Variants in KLHL13 observed in about 807,000 individuals in gnomAD.
KLHL13 encodes kelch like family member 13, also known as kelch-like protein 13.
In KLHL13, 10 loss-of-function variants were observed where a neutral mutation model predicts 37.1. That is an observed-to-expected ratio of 0.27 (90% CI 0.17 to 0.46). The LOEUF (loss-of-function observed/expected upper bound fraction) is 0.46, where lower values mean the gene tolerates loss of function less well. Among genes scored for constraint, KLHL13 ranks in the 20% least tolerant of loss-of-function variants. The probability of loss-of-function intolerance (pLI) is 1.00; values close to 1 mark genes in which losing one functional copy is unlikely to be tolerated. For missense variants in KLHL13, 360 were observed against 509.3 expected, an observed-to-expected ratio of 0.71 and a Z score of 2.82; for synonymous variants, 163 against 181.2, an observed-to-expected ratio of 0.90 and a Z score of 0.81.
Position 118,032,210 on chromosome X carries a change from C to T in KLHL13, c.-56+84298G>A, listed in dbSNP as rs771192998. On this transcript the variant is annotated intron_variant, in intron 1 of 6. Coordinates refer to the KLHL13 transcript ENST00000371882. The stretch of plus-strand genomic sequence containing the variant: ...GGCTTGCTTAGGTAAACAAAGCAGC[C>T]AGGAAGCTTGAACTGGTTGGAGCCC... 1.5e-4 allele frequency among the ~76,000 whole-genome samples: 17 copies of T among 111,198 alleles called. No individual in the cohort carries two copies. In the East Asian group the frequency reaches 2.3e-3, roughly 15 times the overall value.
At chrX:118,023,428 T>G (rs1290119601) in intron 1 of KLHL13, among the ~76,000 whole-genome samples, 1 of 111,526 alleles carries the variant, frequency 9.0e-6, no homozygotes, top group Non-Finnish European at 1.9e-5. Context: ...AAAAGGAGCA[T>G]GTAATTGTTT....
intron 1 of KLHL13, among the ~76,000 whole-genome samples, chrX:118,101,234 T>C (rs1028019256): frequency 1.8e-5 from 2 of 112,103 alleles, no homozygotes; most frequent in Non-Finnish European, 3.8e-5. Flanking sequence ...ATACTCTAAG[T>C]ACTGCAGTTT....
chrX:117,975,185 C>T (rs2053582847), upstream of KLHL13, among the ~76,000 whole-genome samples: 2 of 110,766 alleles, frequency 1.8e-5, no homozygotes, highest in African/African-American at 6.6e-5. Context: ...CATACACACA[C>T]ACACACACAC....
At chrX:117,899,125 A>G in exon 7 of KLHL13, 1 of 1,211,788 alleles carries the variant, frequency 8.3e-7, no homozygotes. Context: ...ATTTTCGAAG[A>G]CAGCGACCCC....
chrX:117,965,527 A>G (rs2053406349), intron 1 of KLHL13, among the ~76,000 whole-genome samples: 1 of 111,814 alleles, frequency 8.9e-6, no homozygotes, highest in Non-Finnish European at 1.9e-5. Context: ...CAATAAACAA[A>G]GAGGGAATCC....
exon 7 of KLHL13, chrX:117,898,862 C>T (rs1929896574): frequency 8.8e-7 from 1 of 1,141,213 alleles, no homozygotes; most frequent in South Asian, 2.1e-5. Flanking sequence ...GAATTTATGA[C>T]ACATTGCAAA....
chrX:117,922,748 T>C (rs1182597462), intron 2 of KLHL13, among the ~76,000 whole-genome samples: 1 of 111,870 alleles, frequency 8.9e-6, no homozygotes, highest in African/African-American at 3.2e-5. Context: ...CATATAAATT[T>C]CAGGTTTAAA....
intron 1 of KLHL13, among the ~76,000 whole-genome samples, chrX:117,999,179 C>A (rs1036231010): frequency 9.0e-6 from 1 of 111,185 alleles, no homozygotes; most frequent in Non-Finnish European, 1.9e-5. Context: ...TTGACCCAGC[C>A]ATCCCATTAT....
At chrX:118,095,217 C>CA (rs1319312490) in intron 1 of KLHL13, among the ~76,000 whole-genome samples, 1 of 109,301 alleles carries the variant, frequency 9.1e-6, no homozygotes, top group Non-Finnish European at 1.9e-5. Context: ...AAATGGAAAA[C>CA]AAAAAAAGGC....
chrX:118,070,249 C>T (rs2054843538), intron 1 of KLHL13, among the ~76,000 whole-genome samples: 1 of 112,277 alleles, frequency 8.9e-6, no homozygotes, highest in African/African-American at 3.2e-5. Flanking sequence ...GCATTTAAGG[C>T]TACAAATTTT....
At chrX:118,040,165 G>T (rs1490051677) in intron 1 of KLHL13, among the ~76,000 whole-genome samples, 1 of 111,433 alleles carries the variant, frequency 9.0e-6, no homozygotes, top group African/African-American at 3.3e-5. Context: ...ACACTGCAAA[G>T]ATTAAAATAA....
At position 118,031,420 on chromosome X, in the gene KLHL13, A is replaced by AATATATATAGATATATATATTTAG. The variant is rs1569297162; in HGVS notation, c.-56+85064_-56+85087dup. On this transcript the variant is annotated intron_variant, in intron 1 of 6. Transcript: ENST00000371882. Reference sequence around the variant, plus strand: ...CTTTAACTAAAACTTTTAGCCAGGGAATATATATAGATATATATATTTAGA... The same window carrying AATATATATAGATATATATATTTAG: ...CTTTAACTAAAACTTTTAGCCAGGGAATATATATAGATATATATATTTAGATATATATAGATATATATATTTAGA... 7.4e-3 allele frequency among the ~76,000 whole-genome samples: 545 copies of AATATATATAGATATATATATTTAG among 73,443 alleles called. 15 individuals carry two copies. The highest frequency in any genetic ancestry group is 0.032 in the African/African-American group (498 of 15,373). 63.8% of individuals were successfully genotyped at this position (73,443 alleles called of 115,157 possible).
In KLHL13 at chrX:117,922,348, G is replaced by A. The variant is rs1395465736; in HGVS notation, c.241-1978C>T. The stretch of plus-strand genomic sequence containing the variant: ...GGAAGCAGTGAATGAGGACACTAGG[G>A]TGTGGGAGAGGATAGTCAAGCATCA... On this transcript the variant is annotated intron_variant, in intron 2 of 6. Transcript: ENST00000262820. Among the ~76,000 whole-genome samples, 4 of 111,741 alleles carry A rather than the reference G, an allele frequency of 3.6e-5. No individual in the cohort carries two copies. The East Asian group carries it at 1.1e-3, about 31-fold the overall frequency.
chrX:117,906,954 T>C (rs1257939607), intron 5 of KLHL13, among the ~76,000 whole-genome samples: 1 of 111,747 alleles, frequency 8.9e-6, no homozygotes, highest in Admixed American at 9.5e-5. Flanking sequence ...AATGGACCTA[T>C]ATTTACCATT....
chrX:118,109,108 G>A (rs942928078), intron 1 of KLHL13, among the ~76,000 whole-genome samples: 8 of 112,033 alleles, frequency 7.1e-5, no homozygotes, highest in African/African-American at 1.6e-4. Context: ...GAGCCACTGC[G>A]TCAGGCCTAA....
intron 1 of KLHL13, among the ~76,000 whole-genome samples, chrX:118,065,960 T>C (rs2054790392): frequency 8.9e-6 from 1 of 112,002 alleles, no homozygotes; most frequent in Admixed American, 9.5e-5. Context: ...TAGTATATTA[T>C]CTAAAAATTT....
chrX:118,016,523 G>C (rs767493615), intron 1 of KLHL13, among the ~76,000 whole-genome samples: 1 of 111,460 alleles, frequency 9.0e-6, no homozygotes, highest in African/African-American at 3.3e-5. Flanking sequence ...AACTTCTACA[G>C]GTATTTACTG....
At chrX:117,928,198 C>A (rs1932193998) in intron 2 of KLHL13, among the ~76,000 whole-genome samples, 1 of 111,349 alleles carries the variant, frequency 9.0e-6, no homozygotes, top group South Asian at 3.8e-4. Flanking sequence ...ATACATGAAG[C>A]AAACTGAGAG....
intron 2 of KLHL13, among the ~76,000 whole-genome samples, chrX:117,923,747 TG>T (rs1931850177): frequency 8.9e-6 from 1 of 111,771 alleles, no homozygotes; most frequent in African/African-American, 3.2e-5. Context: ...AAACTGCTTG[TG>T]GAGGTATGTA....
Sources: allele counts gnomAD v4.1 joint callset (sites outside exome capture counted in the v4.1 genomes callset), GRCh38; gene constraint gnomAD v4.1.1; transcripts MANE v1.5; gene names NCBI Gene and HGNC (gene_info 2026-07-23, HGNC 2026-07-21).